The following PTPRE variants were observed in gnomAD, a reference collection of about 807,000 sequenced individuals.
The protein encoded by PTPRE is receptor-type tyrosine-protein phosphatase epsilon.
In PTPRE, 51 loss-of-function variants were observed where a neutral mutation model predicts 102.0. That is an observed-to-expected ratio of 0.50 (90% CI 0.40 to 0.63). The LOEUF is 0.63. PTPRE is among the 30% of genes least tolerant of loss of function. The pLI is 0.00. For synonymous variants in PTPRE, 345 were observed against 348.2 expected (o/e 0.99, Z 0.10); for missense variants, 752 against 915.1 (o/e 0.82, Z 2.30).
chr10:128,038,092 C>T (rs919552678), intron 2 of PTPRE, among the ~76,000 whole-genome samples: 4 of 151,976 alleles, frequency 2.6e-5, no homozygotes, highest in Non-Finnish European at 5.9e-5. Flanking sequence ...TGAGCCACCG[C>T]GTCTGGCCCA....
chr10:128,079,432 A>G, intron 19 of PTPRE, 128 bp from the exon 20 acceptor site: 2 of 1,263,676 alleles, frequency 1.6e-6, no homozygotes, highest in Non-Finnish European at 1.1e-6. Flanking sequence ...AAAAAAATTC[A>G]GTCAAACTCA....
Position 128,069,754 on chromosome 10 carries a change from C to A in PTPRE, c.1070C>A (p.Ala357Glu), listed in dbSNP as rs746541278. 1 of 1,614,080 alleles carries A rather than the reference C, an allele frequency of 6.2e-7. No homozygotes were observed. The highest frequency in any genetic ancestry group is 8.5e-7 in the Non-Finnish European group (1 of 1,180,048). ...GATGCCATGATGGCCATGATGCACG[C>A]GGAGCAGAAGGTGGATGTGTTTGAA... ...VIDAMMAMMH[A>E]EQKVDVFEFV... The change falls in exon 13 of 21, where the codon GCG becomes GAG. Residue 357 changes from alanine to glutamate, a missense_variant. By Grantham distance (107) the Ala-to-Glu change is moderately radical (BLOSUM62 -1). Coordinates refer to ENST00000254667, the MANE Select transcript of PTPRE (RefSeq NM_006504.6).
At chr10:128,001,732 G>C (rs906335308) in intron 2 of PTPRE, among the ~76,000 whole-genome samples, 7 of 152,170 alleles carry the variant, frequency 4.6e-5, no homozygotes, top group Non-Finnish European at 1.0e-4. Context: ...ACATGTTCTG[G>C]GAGATAACGT....
intron 1 of PTPRE, among the ~76,000 whole-genome samples, chr10:127,959,948 T>C (rs1849676091): frequency 6.6e-6 from 1 of 152,208 alleles, no homozygotes; most frequent in Non-Finnish European, 1.5e-5. Flanking sequence ...ATACTCTCTT[T>C]AGTGCTGTAA....
chr10:128,060,305 G>C (rs1189131682), intron 7 of PTPRE, among the ~76,000 whole-genome samples: 1 of 151,886 alleles, frequency 6.6e-6, no homozygotes, highest in Non-Finnish European at 1.5e-5. Context: ...CCCACACACA[G>C]AGCACTCCAC....
chr10:128,047,930 A>G, intron 5 of PTPRE, 93 bp downstream of exon 5: 1 of 1,331,098 alleles, frequency 7.5e-7, no homozygotes, highest in Non-Finnish European at 1.0e-6. Context: ...GTTCAAAGTA[A>G]ATTTTGAGGT....
intron 1 of PTPRE, among the ~76,000 whole-genome samples, chr10:127,954,380 G>A (rs1239292287): frequency 6.6e-6 from 1 of 152,204 alleles, no homozygotes; most frequent in Admixed American, 6.5e-5. Context: ...CACCTTCATT[G>A]TGAAAGGGGC....
intron 1 of PTPRE, among the ~76,000 whole-genome samples, chr10:127,926,804 C>CTTTT (rs150223324): frequency 3.6e-5 from 3 of 82,682 alleles, no homozygotes; most frequent in East Asian, 4.2e-4. Context: ...AGAGAGTTGT[C>CTTTT]TTTTTTTTTT....
intron 2 of PTPRE, among the ~76,000 whole-genome samples, chr10:127,987,669 GGTTGT>G (rs1852208648): frequency 6.6e-6 from 1 of 152,118 alleles, no homozygotes; most frequent in Non-Finnish European, 1.5e-5. Flanking sequence ...GGGCCTGGTG[GGTTGT>G]CAGACAGCCA....
At chr10:127,968,627 T>G (rs1026279216) in intron 1 of PTPRE, among the ~76,000 whole-genome samples, 2 of 152,232 alleles carry the variant, frequency 1.3e-5, no homozygotes, top group African/African-American at 4.8e-5. Context: ...CAGGATGGTT[T>G]CTAATTCAGG....
chr10:128,054,218 T>C (rs1243028291), intron 6 of PTPRE, among the ~76,000 whole-genome samples: 1 of 152,206 alleles, frequency 6.6e-6, no homozygotes, highest in Non-Finnish European at 1.5e-5. Flanking sequence ...CTGCAATTGA[T>C]GAACCAACAC....
intron 7 of PTPRE, among the ~76,000 whole-genome samples, chr10:128,058,751 C>A (rs751933928): frequency 1.4e-4 from 22 of 152,112 alleles, no homozygotes; most frequent in Admixed American, 2.6e-4. Flanking sequence ...CTTCCCCAGC[C>A]CCTAGTATCA....
intron 1 of PTPRE, among the ~76,000 whole-genome samples, chr10:127,939,911 TG>T (rs933271181): frequency 2.1e-5 from 3 of 144,030 alleles, no homozygotes; most frequent in African/African-American, 7.9e-5. Flanking sequence ...TGCAGGCAGA[TG>T]TAGGCAGGTG....
intron 1 of PTPRE, among the ~76,000 whole-genome samples, chr10:127,948,754 C>T (rs1848807135): frequency 6.6e-6 from 1 of 152,190 alleles, no homozygotes; most frequent in Non-Finnish European, 1.5e-5. Flanking sequence ...TAGCCAGTCA[C>T]CTACATTGTG....
chr10:128,056,013 G>C (rs1848932117), intron 6 of PTPRE, 110 bp from the exon 7 acceptor site: 5 of 806,272 alleles, frequency 6.2e-6, no homozygotes, highest in Admixed American at 6.0e-5. Flanking sequence ...ATGGACAGCA[G>C]GTAGTTTGCT....
intron 2 of PTPRE, among the ~76,000 whole-genome samples, chr10:127,997,039 A>G (rs947066195): frequency 5.3e-5 from 8 of 152,226 alleles, no homozygotes; most frequent in African/African-American, 1.9e-4. Flanking sequence ...AAAAAAAAGA[A>G]CACAGTGCAA....
chr10:128,055,667 A>G (rs1848895424), intron 6 of PTPRE, among the ~76,000 whole-genome samples: 1 of 152,042 alleles, frequency 6.6e-6, no homozygotes, highest in Non-Finnish European at 1.5e-5. Context: ...GGACCGCTCT[A>G]TTCATCCTTC....
intron 1 of PTPRE, among the ~76,000 whole-genome samples, chr10:127,930,079 A>G (rs563952286): frequency 1.3e-4 from 20 of 151,322 alleles, no homozygotes; most frequent in African/African-American, 3.6e-4. Flanking sequence ...AAAAAAAAAA[A>G]AGAAAGAAAG....
rs1844673305 is a variant in PTPRE at position 128,008,248 on chromosome 10, C to T, written c.-8+25952C>T. On this transcript the variant is annotated intron_variant, in intron 2 of 20. Coordinates refer to ENST00000254667, the MANE Select transcript of PTPRE (RefSeq NM_006504.6). This position sits in a 1 kb window ranked among gnomAD's most constrained non-coding sequence, Gnocchi z 4.0. ...GCCTCCCTCCCTCCCTTTCACCCTC[C>T]CTCCCTCTCTCCCTCATTCCCTCCC... is the stretch of plus-strand genomic sequence containing the variant. Among the ~76,000 whole-genome samples, 1 of 151,892 alleles carries T rather than the reference C, an allele frequency of 6.6e-6. No homozygotes were observed. Among genetic ancestry groups the T allele is most frequent in the African/African-American group, 2.4e-5 (1 of 41,466 alleles).
Sources: gnomAD v4.1 joint callset for allele counts (sites outside exome capture counted in the v4.1 genomes callset) on GRCh38, gnomAD v4.1.1 for gene constraint, Gnocchi (gnomAD v3.1) non-coding constraint, MANE v1.5 for transcripts, NCBI Gene and HGNC (gene_info 2026-07-23, HGNC 2026-07-21) for gene names.